VPS13C: variants seen among roughly 807,000 people sequenced by gnomAD.
VPS13C encodes the protein intermembrane lipid transfer protein VPS13C.
VPS13C carries 358 observed loss-of-function variants against 456.8 expected under a neutral mutation model. The observed-to-expected ratio is 0.78, with a 90% CI of 0.72 to 0.86. The LOEUF is 0.86. Among genes scored for constraint, VPS13C ranks in the 40% least tolerant of loss-of-function variants. The probability of loss-of-function intolerance (pLI) is 0.00; values close to 1 mark genes in which losing one functional copy is unlikely to be tolerated. For missense variants in VPS13C, 4,818 were observed against 4,385.4 expected (o/e 1.10, Z -2.79); for synonymous variants, 1,578 against 1,486.7 (o/e 1.06, Z -1.41).
intron 32 of VPS13C, among the ~76,000 whole-genome samples, chr15:61,963,455 T>C (rs1472020587): frequency 1.3e-5 from 2 of 151,804 alleles, no homozygotes; most frequent in South Asian, 2.1e-4. Context: ...CATAATTATA[T>C]ATAAAAATCA....
intron 77 of VPS13C, among the ~76,000 whole-genome samples, chr15:61,873,628 A>T (rs1467502663): frequency 1.3e-5 from 2 of 151,878 alleles, no homozygotes; most frequent in Non-Finnish European, 2.9e-5. Context: ...ATATTATCTC[A>T]CCCCAGTTAG....
intron 77 of VPS13C, 44 bp downstream of exon 77, chr15:61,874,832 T>C (rs747873851): frequency 6.8e-7 from 1 of 1,479,298 alleles, no homozygotes; most frequent in Non-Finnish European, 9.1e-7. Context: ...TTCATAACAA[T>C]ATAATAAAAA....
intron 73 of VPS13C, among the ~76,000 whole-genome samples, chr15:61,879,651 T>C (rs1895709470): frequency 6.6e-6 from 1 of 152,078 alleles, no homozygotes; most frequent in Admixed American, 6.6e-5. Context: ...CCCCCTAGAA[T>C]ATAATATCCA....
chr15:61,905,169 T>TA (rs1258184960), intron 66 of VPS13C, among the ~76,000 whole-genome samples: 3 of 152,178 alleles, frequency 2.0e-5, no homozygotes, highest in Non-Finnish European at 4.4e-5. Flanking sequence ...TTTCAGGTGA[T>TA]ACGCCAATTA....
intron 23 of VPS13C, among the ~76,000 whole-genome samples, chr15:61,978,078 T>TA (rs2045762276): frequency 6.6e-6 from 1 of 151,998 alleles, no homozygotes; most frequent in Non-Finnish European, 1.5e-5. Context: ...AATATTTACG[T>TA]AAGCATAGAA....
At chr15:61,900,416 C>G (rs1423116859) in intron 66 of VPS13C, among the ~76,000 whole-genome samples, 1 of 152,218 alleles carries the variant, frequency 6.6e-6, no homozygotes, top group East Asian at 1.9e-4. Context: ...TCAGCAAAGT[C>G]TCAGGATACA....
Position 61,920,634 on chromosome 15 carries a change from G to T in VPS13C, c.7076C>A (p.Pro2359Gln). The change falls in exon 56 of 85, where the codon CCA becomes CAA. Residue 2359 changes from proline (P) to glutamine (Q), a missense_variant. Around this residue, in one of 3 missense-constraint regions of VPS13C, gnomAD observed 4,552 missense variants for 4,130.6 expected, o/e 1.10. Transcript: ENST00000644861. ...WNLRLDVKKN[P>Q]VQDKSLLPGD... ...TGGCAGCAAACTTTTATCCTGAACTGGGTTCTTCTTTACCTATGAAGAAAA... is the reference window on the plus strand; with the variant it reads ...TGGCAGCAAACTTTTATCCTGAACTTGGTTCTTCTTTACCTATGAAGAAAA... 1 of 1,571,464 alleles carries T rather than the reference G, an allele frequency of 6.4e-7. No homozygotes were observed. Among genetic ancestry groups the T allele is most frequent in the Non-Finnish European group, 8.6e-7 (1 of 1,167,912 alleles).
intron 11 of VPS13C, among the ~76,000 whole-genome samples, chr15:62,012,838 G>T (rs528713083): frequency 6.6e-6 from 1 of 151,924 alleles, no homozygotes; most frequent in Admixed American, 6.6e-5. Flanking sequence ...CCCAGTGAAT[G>T]ATTTCACAAA....
At chr15:62,029,452 C>G (rs978263965) in intron 5 of VPS13C, among the ~76,000 whole-genome samples, 2 of 152,070 alleles carry the variant, frequency 1.3e-5, no homozygotes, top group Non-Finnish European at 1.5e-5. Context: ...CCCACCTTCA[C>G]TGTCTCCTCT....
chr15:61,875,707 C>G (rs1172209024), intron 76 of VPS13C, 25 bp downstream of exon 76: 2 of 1,557,176 alleles, frequency 1.3e-6, no homozygotes, highest in African/African-American at 2.7e-5. Flanking sequence ...TGTACCTATC[C>G]TTAGAACAAA....
chr15:61,886,812 G>T (rs1896307271), intron 67 of VPS13C, among the ~76,000 whole-genome samples: 1 of 152,124 alleles, frequency 6.6e-6, no homozygotes, highest in African/African-American at 2.4e-5. Flanking sequence ...GTATTTAGAG[G>T]ATACCAGTCA....
At chr15:61,967,903 T>C (rs1043320112) in intron 28 of VPS13C, among the ~76,000 whole-genome samples, 19 of 152,020 alleles carry the variant, frequency 1.2e-4, no homozygotes, top group Non-Finnish European at 1.6e-4. Context: ...AGGAACTGCC[T>C]CCAAAAGCTG....
At chr15:61,985,372 T>C (rs954287848) in intron 18 of VPS13C, among the ~76,000 whole-genome samples, 2 of 152,174 alleles carry the variant, frequency 1.3e-5, no homozygotes, top group Non-Finnish European at 2.9e-5. Context: ...CTCTCCTGCC[T>C]CAGCCTCCCG....
At chr15:61,895,939 T>C (rs1284356996) in intron 66 of VPS13C, among the ~76,000 whole-genome samples, 1 of 152,138 alleles carries the variant, frequency 6.6e-6, no homozygotes, top group African/African-American at 2.4e-5. Context: ...TATAGTTTCA[T>C]ATAGCTAGAA....
At chr15:61,951,204 A>G (rs549594423) in intron 39 of VPS13C, among the ~76,000 whole-genome samples, 180 bp from the exon 40 acceptor site, 1 of 152,194 alleles carries the variant, frequency 6.6e-6, no homozygotes, top group East Asian at 1.9e-4. Context: ...AAAAAAGGAA[A>G]CAAATTCCAT....
At position 61,922,636 on chromosome 15, in the gene VPS13C, C is replaced by T; in HGVS notation, c.6736G>A (p.Asp2246Asn). ...ENLWGIKSIN[D>N]YNTWFLGVDT... Reference sequence around the variant, plus strand: ...ACACCAAGAAACCAAGTGTTATAATCATTAATCGATTTGATACCCCAAAGA... The same window carrying T: ...ACACCAAGAAACCAAGTGTTATAATTATTAATCGATTTGATACCCCAAAGA... The change falls in exon 54 of 85, where the codon GAT (aspartate) becomes AAT (asparagine). Residue 2246 changes from aspartate (D) to asparagine (N), a missense_variant. Coordinates refer to ENST00000644861, the MANE Select transcript of VPS13C (RefSeq NM_020821.3). 1 of 1,613,998 alleles carries T rather than the reference C, an allele frequency of 6.2e-7. No individual in the cohort carries two copies. Among genetic ancestry groups the T allele is most frequent in the African/African-American group, 1.3e-5 (1 of 75,000 alleles).
At chr15:62,040,700 T>A (rs12909386) in intron 3 of VPS13C, among the ~76,000 whole-genome samples, 1 of 151,154 alleles carries the variant, frequency 6.6e-6, no homozygotes, top group East Asian at 1.9e-4. Flanking sequence ...ACCACCTAAA[T>A]CCAAAATTTA....
At chr15:61,907,184 C>A (rs1184803311) in intron 66 of VPS13C, 80 bp downstream of exon 66, 1 of 1,595,970 alleles carries the variant, frequency 6.3e-7, no homozygotes, top group African/African-American at 1.3e-5. Flanking sequence ...TCAATTAGGA[C>A]AAGGAGTCAG....
In VPS13C at chr15:62,023,763, A is replaced by C. The variant is rs780525005; in HGVS notation, c.514+17T>G. On this transcript the variant is annotated intron_variant, in intron 7 of 84. Coordinates refer to ENST00000644861, the MANE Select transcript of VPS13C (RefSeq NM_020821.3). ...TGTGTATAAACAACACCATGGCATAAAACTACTTTTACCTACCTTTTGAAC... is the reference window on the plus strand; with the variant it reads ...TGTGTATAAACAACACCATGGCATACAACTACTTTTACCTACCTTTTGAAC... 1.2e-6 allele frequency: 2 copies of C among 1,604,214 alleles called. No individual in the cohort carries two copies. Among genetic ancestry groups the C allele is most frequent in the Admixed American group, 1.7e-5 (1 of 59,326 alleles).
Sources: gnomAD v4.1 joint callset for allele counts (sites outside exome capture counted in the v4.1 genomes callset) on GRCh38, gnomAD v4.1.1 for gene constraint, gnomAD v4.1.1 regional missense constraint, MANE v1.5 for transcripts, NCBI Gene and HGNC (gene_info 2026-07-23, HGNC 2026-07-21) for gene names.